RAB3C: variants seen among roughly 807,000 people sequenced by gnomAD.
RAB3C encodes RAB3C, member RAS oncogene family.
A neutral mutation model predicts 26.4 loss-of-function variants in RAB3C; 17 were observed. The ratio of observed to expected loss-of-function variants is 0.64; its 90% CI spans 0.44 to 0.97. The LOEUF is 0.97. Among genes scored for constraint, RAB3C ranks in the 50% least tolerant of loss-of-function variants. The pLI is 0.00. For missense variants in RAB3C, 242 were observed against 281.9 expected, an observed-to-expected ratio of 0.86 and a Z score of 1.01; for synonymous variants, 91 against 95.9, an observed-to-expected ratio of 0.95 and a Z score of 0.30.
intron 1 of RAB3C, among the ~76,000 whole-genome samples, chr5:58,615,630 T>G (rs1309076095): frequency 6.6e-6 from 1 of 152,078 alleles, no homozygotes; most frequent in African/African-American, 2.4e-5. Flanking sequence ...TGTGGGCTGG[T>G]GGGCCAAAAA....
At chr5:58,608,404 A>G (rs1184815354) in intron 1 of RAB3C, among the ~76,000 whole-genome samples, 1 of 152,234 alleles carries the variant, frequency 6.6e-6, no homozygotes, top group Admixed American at 6.5e-5. Context: ...TCTCAAAAGA[A>G]GACATTTATG....
In RAB3C at chr5:58,710,607, TAAATAA is replaced by T. The variant is rs1561296796; in HGVS notation, c.253-15393_253-15388del. 1.3e-3 allele frequency among the ~76,000 whole-genome samples: 195 copies of T among 147,856 alleles called. 1 individual carries two copies. Among genetic ancestry groups the T allele is most frequent in the African/African-American group, 2.6e-3 (103 of 40,298 alleles). On this transcript the variant is annotated intron_variant, in intron 2 of 4. Coordinates refer to ENST00000282878, the MANE Select transcript of RAB3C (RefSeq NM_138453.4). Reference sequence around the variant, plus strand: ...GAGCAAGACTCTGTCTCAAAATAAATAAATAAATAAATAAATAAATAAATAAATAAA... The same window carrying T: ...GAGCAAGACTCTGTCTCAAAATAAATATAAATAAATAAATAAATAAATAAA...
chr5:58,732,119 A>C (rs1554050037), intron 3 of RAB3C, among the ~76,000 whole-genome samples: 1 of 149,934 alleles, frequency 6.7e-6, no homozygotes, highest in Non-Finnish European at 1.5e-5. Context: ...TTTAAATTAT[A>C]CTTTAAGTTT....
At chr5:58,693,340 A>C (rs113332230) in intron 2 of RAB3C, among the ~76,000 whole-genome samples, 2 of 73,074 alleles carry the variant, frequency 2.7e-5, no homozygotes, top group Non-Finnish European at 6.1e-5. Context: ...ATATGTGTAT[A>C]TATATATATA....
chr5:58,582,988 A>G, upstream of RAB3C: 3 of 1,297,658 alleles, frequency 2.3e-6, no homozygotes, highest in Non-Finnish European at 3.0e-6. Context: ...GTTTGCCGGG[A>G]ACACCCGGAG....
At chr5:58,775,730 C>A (rs1192456540) in intron 3 of RAB3C, among the ~76,000 whole-genome samples, 5 of 151,916 alleles carry the variant, frequency 3.3e-5, no homozygotes, top group African/African-American at 1.2e-4. Flanking sequence ...CAAATAGAAC[C>A]TGTCTGTGAG....
intron 3 of RAB3C, among the ~76,000 whole-genome samples, chr5:58,751,599 A>C (rs893540178): frequency 9.3e-4 from 142 of 152,360 alleles, no homozygotes; most frequent in African/African-American, 3.3e-3. Flanking sequence ...GGATACAAAG[A>C]ATATTTGTGA....
chr5:58,740,756 A>G (rs775603707), intron 3 of RAB3C, among the ~76,000 whole-genome samples: 2 of 152,110 alleles, frequency 1.3e-5, no homozygotes, highest in Non-Finnish European at 2.9e-5. Flanking sequence ...GGAGGTGGAT[A>G]TTGCAGTGAG....
At chr5:58,712,121 C>G (rs1162091642) in intron 2 of RAB3C, among the ~76,000 whole-genome samples, 2 of 152,134 alleles carry the variant, frequency 1.3e-5, no homozygotes, top group Non-Finnish European at 2.9e-5. Flanking sequence ...GTTCCTGGAG[C>G]TTACTTCAGC....
At chr5:58,720,026 C>A (rs1450377590) in intron 2 of RAB3C, among the ~76,000 whole-genome samples, 1 of 151,912 alleles carries the variant, frequency 6.6e-6, no homozygotes, top group Non-Finnish European at 1.5e-5. Context: ...GTGAGGAATT[C>A]AGTGTATATT....
intron 3 of RAB3C, among the ~76,000 whole-genome samples, chr5:58,797,380 TATATATATATATATATAC>T (rs1561133584): frequency 8.8e-6 from 1 of 113,578 alleles, no homozygotes; most frequent in African/African-American, 3.4e-5. Flanking sequence ...TATATATATA[TATATATATATATATATAC>T]ACAGAGAGAG....
chr5:58,596,858 T>C (rs1185448849), intron 1 of RAB3C, among the ~76,000 whole-genome samples: 2 of 92,270 alleles, frequency 2.2e-5, no homozygotes, highest in Non-Finnish European at 3.7e-5. Context: ...ATACATAATA[T>C]ATAATATTAT....
intron 3 of RAB3C, chr5:58,823,182 C>T (rs1033121968): frequency 9.0e-6 from 3 of 333,356 alleles, no homozygotes; most frequent in East Asian, 7.3e-5. Flanking sequence ...CGGTTCTTTC[C>T]GTTCATAAAG....
At chr5:58,617,575 A>G in intron 1 of RAB3C, 68 bp from the exon 2 acceptor site, 2 of 1,180,998 alleles carry the variant, frequency 1.7e-6, no homozygotes, top group East Asian at 2.4e-5. Flanking sequence ...GTATGCTGCT[A>G]GCTTCATATC....
intron 3 of RAB3C, among the ~76,000 whole-genome samples, chr5:58,732,185 A>G (rs1741039940): frequency 6.6e-6 from 1 of 151,472 alleles, no homozygotes; most frequent in Non-Finnish European, 1.5e-5. Context: ...TGTGCCATGA[A>G]TTTTAAAGCT....
At chr5:58,702,550 G>A (rs1748867410) in intron 2 of RAB3C, among the ~76,000 whole-genome samples, 3 of 151,428 alleles carry the variant, frequency 2.0e-5, no homozygotes, top group Admixed American at 1.3e-4. Flanking sequence ...CACTTGCCAG[G>A]TAGTCTCTCA....
At chr5:58,650,863 G>A (rs540487144) in intron 2 of RAB3C, among the ~76,000 whole-genome samples, 1 of 152,192 alleles carries the variant, frequency 6.6e-6, no homozygotes, top group East Asian at 1.9e-4. Flanking sequence ...AAATATACAA[G>A]TCTAAAAGAC....
intron 4 of RAB3C, among the ~76,000 whole-genome samples, chr5:58,837,769 G>C (rs1743784147): frequency 6.7e-6 from 1 of 150,184 alleles, no homozygotes; most frequent in Non-Finnish European, 1.5e-5. Flanking sequence ...ATGCTGGCCA[G>C]GCTGATCTCG....
intron 4 of RAB3C, among the ~76,000 whole-genome samples, chr5:58,826,903 A>G (rs1241665504): frequency 1.3e-5 from 2 of 152,178 alleles, no homozygotes; most frequent in East Asian, 1.9e-4. Flanking sequence ...TAACTAATCT[A>G]AATACAGTTC....
Sources: allele counts gnomAD v4.1 joint callset (sites outside exome capture counted in the v4.1 genomes callset), GRCh38; gene constraint gnomAD v4.1.1; transcripts MANE v1.5; gene names NCBI Gene and HGNC (gene_info 2026-07-23, HGNC 2026-07-21).